The following B3GLCT variants were observed in gnomAD, a reference collection of about 807,000 sequenced individuals.
B3GLCT encodes the protein beta-1,3-glucosyltransferase.
Under a neutral mutation model 63.4 loss-of-function variants are expected in B3GLCT, and 65 were observed. The ratio of observed to expected loss-of-function variants is 1.03; its 90% CI spans 0.84 to 1.26. B3GLCT has a LOEUF of 1.26. B3GLCT is among the 50% of genes most tolerant of loss of function. The pLI, the probability that B3GLCT is intolerant of heterozygous loss-of-function variation, is 0.00. For missense variants in B3GLCT, 577 were observed against 604.8 expected, an observed-to-expected ratio of 0.95 and a Z score of 0.48; for synonymous variants, 233 against 219.2, an observed-to-expected ratio of 1.06 and a Z score of -0.55.
chr13:31,233,459 C>T (rs561236639), intron 4 of B3GLCT, among the ~76,000 whole-genome samples: 3 of 152,258 alleles, frequency 2.0e-5, no homozygotes, highest in Admixed American at 1.3e-4. Context: ...ATGTACTTCT[C>T]CCCACCCAAC....
intron 4 of B3GLCT, among the ~76,000 whole-genome samples, chr13:31,244,211 A>G: frequency 6.6e-6 from 1 of 152,018 alleles, no homozygotes; most frequent in East Asian, 1.9e-4. Context: ...TTGCTTTGAG[A>G]CTGGGCACGG....
chr13:31,283,903 T>C (rs1326408231), intron 10 of B3GLCT, among the ~76,000 whole-genome samples: 1 of 152,218 alleles, frequency 6.6e-6, no homozygotes, highest in African/African-American at 2.4e-5. Context: ...AATTCAGAGA[T>C]GCATAGGCAG....
At chr13:31,313,165 A>G (rs933709020) in intron 12 of B3GLCT, among the ~76,000 whole-genome samples, 3 of 152,186 alleles carry the variant, frequency 2.0e-5, no homozygotes, top group African/African-American at 7.2e-5. Flanking sequence ...TGGGGATGGG[A>G]AAGGTGATCT....
rs1397442111 is a variant in B3GLCT, at chr13:31,286,067, G to T, written c.965-653G>T. ...TGTCACCAAATAATTAAAATGAGGG[G>T]CATATTCCTGTTTATCAATTTGACT... On this transcript the variant is annotated intron_variant, in intron 11 of 14. Coordinates refer to ENST00000343307, the MANE Select transcript of B3GLCT (RefSeq NM_194318.4). 3.9e-5 allele frequency among the ~76,000 whole-genome samples: 6 copies of T among 152,086 alleles called. No individual in the cohort carries two copies. In the East Asian group the frequency reaches 1.2e-3, roughly 29 times the overall value.
chr13:31,276,300 TTCTC>T (rs1294743547), intron 9 of B3GLCT, among the ~76,000 whole-genome samples: 1 of 152,208 alleles, frequency 6.6e-6, no homozygotes, highest in Non-Finnish European at 1.5e-5. Context: ...TCCCCCCTAT[TTCTC>T]TCTTTTTGTC....
chr13:31,240,467 G>GTTTT (rs146603707), intron 4 of B3GLCT, among the ~76,000 whole-genome samples: 8 of 129,796 alleles, frequency 6.2e-5, no homozygotes, highest in Non-Finnish European at 9.9e-5. Flanking sequence ...TGCCTCTTTA[G>GTTTT]TTTTTTTTTT....
chr13:31,210,393 A>C (rs1299414622), intron 1 of B3GLCT, among the ~76,000 whole-genome samples: 2 of 152,246 alleles, frequency 1.3e-5, no homozygotes, highest in African/African-American at 4.8e-5. Flanking sequence ...TCTGGAAATT[A>C]ATATGAAGCA....
At chr13:31,279,819 A>G (rs1324275658) in intron 10 of B3GLCT, among the ~76,000 whole-genome samples, 1 of 152,204 alleles carries the variant, frequency 6.6e-6, no homozygotes, top group Non-Finnish European at 1.5e-5. Context: ...ATCAACGACC[A>G]TAAAAGACAG....
At chr13:31,310,910 G>A (rs1021283872) in intron 12 of B3GLCT, among the ~76,000 whole-genome samples, 4 of 152,212 alleles carry the variant, frequency 2.6e-5, no homozygotes, top group African/African-American at 9.7e-5. Flanking sequence ...TGAGCACAGA[G>A]CCACAGCAGG....
intron 12 of B3GLCT, among the ~76,000 whole-genome samples, chr13:31,299,295 G>T (rs561122873): frequency 1.4e-4 from 21 of 152,206 alleles, no homozygotes; most frequent in Admixed American, 4.6e-4. Context: ...CTATCTCTGT[G>T]CCCATTGTTG....
At chr13:31,243,309 A>G (rs1871040711) in intron 4 of B3GLCT, among the ~76,000 whole-genome samples, 2 of 152,246 alleles carry the variant, frequency 1.3e-5, no homozygotes, top group Admixed American at 1.3e-4. Context: ...AGGACAAATG[A>G]CAAATACTGG....
chr13:31,237,333 T>G (rs1213030656), intron 4 of B3GLCT, among the ~76,000 whole-genome samples: 2 of 149,064 alleles, frequency 1.3e-5, no homozygotes, highest in African/African-American at 4.9e-5. Context: ...GGCTCCTTAG[T>G]TAAAACTTAG....
At chr13:31,316,974 C>G (rs1875070890) in intron 12 of B3GLCT, among the ~76,000 whole-genome samples, 1 of 152,088 alleles carries the variant, frequency 6.6e-6, no homozygotes, top group Admixed American at 6.6e-5. Context: ...CAATTAGACA[C>G]AAAAAGTTCT....
chr13:31,272,338 C>G (rs908936404), intron 8 of B3GLCT, among the ~76,000 whole-genome samples: 1 of 151,932 alleles, frequency 6.6e-6, no homozygotes, highest in Non-Finnish European at 1.5e-5. Flanking sequence ...CCTTAGCCCC[C>G]TGATTAGCTG....
chr13:31,287,906 G>T (rs2137883147), intron 12 of B3GLCT, among the ~76,000 whole-genome samples: 1 of 152,214 alleles, frequency 6.6e-6, no homozygotes, highest in African/African-American at 2.4e-5. Flanking sequence ...TAAGAAGAAA[G>T]TATCAGTGAA....
At chr13:31,216,863 T>G (rs562696159) in intron 2 of B3GLCT, among the ~76,000 whole-genome samples, 1 of 152,346 alleles carries the variant, frequency 6.6e-6, no homozygotes, top group African/African-American at 2.4e-5. Context: ...GATGGGCATC[T>G]AGGTTGATTC....
intron 4 of B3GLCT, among the ~76,000 whole-genome samples, chr13:31,233,982 G>A (rs1341326492): frequency 6.6e-6 from 1 of 151,550 alleles, no homozygotes; most frequent in Non-Finnish European, 1.5e-5. Flanking sequence ...CCAGAGAGGA[G>A]AAGGGCCATC....
At chr13:31,209,407 G>A (rs928290946) in intron 1 of B3GLCT, among the ~76,000 whole-genome samples, 6 of 152,192 alleles carry the variant, frequency 3.9e-5, no homozygotes, top group African/African-American at 9.6e-5. Context: ...AAAGCTCCAC[G>A]GAGAGGCAGC....
intron 6 of B3GLCT, among the ~76,000 whole-genome samples, chr13:31,249,885 A>G (rs756589197): frequency 6.6e-6 from 1 of 152,238 alleles, no homozygotes; most frequent in African/African-American, 2.4e-5. Context: ...ATTTACACAA[A>G]TAAACTTTGA....
Sources: gnomAD v4.1 joint callset for allele counts (sites outside exome capture counted in the v4.1 genomes callset) on GRCh38, gnomAD v4.1.1 for gene constraint, MANE v1.5 for transcripts, NCBI Gene and HGNC (gene_info 2026-07-23, HGNC 2026-07-21) for gene names.